The following GRID1 variants were observed in gnomAD, a reference collection of about 807,000 sequenced individuals.
The protein encoded by GRID1 is glutamate ionotropic receptor delta type subunit 1, also known as glutamate receptor ionotropic, delta-1.
GRID1 carries 28 observed loss-of-function variants against 98.0 expected under a neutral mutation model. The observed-to-expected ratio is 0.29, with a 90% confidence interval of 0.21 to 0.39. GRID1 has a LOEUF of 0.39. Among genes scored for constraint, GRID1 ranks in the 10% least tolerant of loss-of-function variants. The probability of loss-of-function intolerance (pLI) is 1.00; values close to 1 mark genes in which losing one functional copy is unlikely to be tolerated. For missense variants in GRID1, 1,111 were observed against 1,340.5 expected, an observed-to-expected ratio of 0.83 and a Z score of 2.67; for synonymous variants, 553 against 538.5, an observed-to-expected ratio of 1.03 and a Z score of -0.37.
At chr10:86,220,972 A>T (rs990040769) in intron 2 of GRID1, among the ~76,000 whole-genome samples, 2 of 152,156 alleles carry the variant, frequency 1.3e-5, no homozygotes, top group East Asian at 3.9e-4. Flanking sequence ...CAGCTTTCTC[A>T]GCTTGATCAA....
rs1415468336 is a variant in GRID1 at position 85,649,257 on chromosome 10, C to T, written c.1998-1860G>A. 2.6e-5 allele frequency among the ~76,000 whole-genome samples: 4 copies of T among 152,210 alleles called. No homozygotes were observed. The South Asian group carries it at 8.3e-4, about 32-fold the overall frequency. On this transcript the variant is annotated intron_variant, in intron 12 of 15. Transcript: ENST00000327946. ...TGGATGCCTCCCCTTGCTTCGGAGACACATGCCACAGCACTCCTTAGGTCC... is the reference window on the plus strand; with the variant it reads ...TGGATGCCTCCCCTTGCTTCGGAGATACATGCCACAGCACTCCTTAGGTCC...
chr10:85,851,222 C>T (rs982016620), intron 8 of GRID1, among the ~76,000 whole-genome samples: 2 of 152,154 alleles, frequency 1.3e-5, no homozygotes, highest in Non-Finnish European at 2.9e-5. Context: ...CCCCCCACCC[C>T]CAAGACAAAT....
chr10:86,050,528 T>A (rs1843486801), intron 4 of GRID1, among the ~76,000 whole-genome samples: 1 of 152,068 alleles, frequency 6.6e-6, no homozygotes, highest in Non-Finnish European at 1.5e-5. Context: ...TATTAAAAGG[T>A]CAGTAATTCT....
chr10:86,218,293 C>T (rs1402495952), intron 2 of GRID1, among the ~76,000 whole-genome samples: 2 of 152,158 alleles, frequency 1.3e-5, no homozygotes, highest in Non-Finnish European at 2.9e-5. Context: ...TGCTCCAAAG[C>T]TCCTGTCTGT....
intron 2 of GRID1, among the ~76,000 whole-genome samples, chr10:86,348,429 G>A (rs895191851): frequency 2.1e-4 from 32 of 152,346 alleles, no homozygotes; most frequent in African/African-American, 7.7e-4. Flanking sequence ...GGGGCTCTGC[G>A]GCACAGGGTG....
chr10:86,152,179 AAG>A (rs917579005), intron 3 of GRID1, among the ~76,000 whole-genome samples: 3 of 152,220 alleles, frequency 2.0e-5, no homozygotes, highest in Non-Finnish European at 4.4e-5. Flanking sequence ...CTGCATGGAC[AAG>A]AGAGGGAGTA....
intron 12 of GRID1, among the ~76,000 whole-genome samples, chr10:85,655,739 T>C (rs1840887727): frequency 6.6e-6 from 1 of 152,292 alleles, no homozygotes; most frequent in African/African-American, 2.4e-5. Flanking sequence ...GTGGAGAACT[T>C]TGCTTTTCTA....
rs115478614 is a variant in GRID1 at position 86,203,687 on chromosome 10, C to G, written c.520+2677G>C. On this transcript the variant is annotated intron_variant, in intron 3 of 15. Transcript: ENST00000327946. ...TCCAGCAAGCCGAGAGCCAGAAGGGCTAGCACCCTGGACAGCGCCATGAGC... is the reference window on the plus strand; with the variant it reads ...TCCAGCAAGCCGAGAGCCAGAAGGGGTAGCACCCTGGACAGCGCCATGAGC... Among the ~76,000 whole-genome samples, 1,407 of 151,846 alleles carry G rather than the reference C, an allele frequency of 9.3e-3. 29 individuals are homozygous for G. The highest frequency in any genetic ancestry group is 0.032 in the African/African-American group (1,329 of 41,484).
At chr10:85,879,041 T>C (rs2131801302) in intron 5 of GRID1, among the ~76,000 whole-genome samples, 1 of 151,510 alleles carries the variant, frequency 6.6e-6, no homozygotes, top group African/African-American at 2.4e-5. Flanking sequence ...TACATGATGG[T>C]AAAGGGATCA....
At chr10:86,246,852 AT>A (rs1369325543) in intron 2 of GRID1, among the ~76,000 whole-genome samples, 4 of 152,202 alleles carry the variant, frequency 2.6e-5, no homozygotes, top group African/African-American at 9.6e-5. Flanking sequence ...TCCCCACTCA[AT>A]TTCAGTAACA....
At chr10:85,962,748 G>T (rs1272880318) in intron 4 of GRID1, among the ~76,000 whole-genome samples, 1 of 152,102 alleles carries the variant, frequency 6.6e-6, no homozygotes, top group Non-Finnish European at 1.5e-5. Context: ...CTGGGTTTGG[G>T]GAGAAATTTA....
intron 4 of GRID1, among the ~76,000 whole-genome samples, chr10:86,087,202 C>G (rs7910620): frequency 0.065 from 9,813 of 152,076 alleles, 783 homozygotes; most frequent in African/African-American, 0.19. Context: ...ATGCTCACCT[C>G]TATATTAGAA....
intron 8 of GRID1, among the ~76,000 whole-genome samples, chr10:85,786,128 T>A (rs1564590389): frequency 6.6e-6 from 1 of 152,184 alleles, no homozygotes; most frequent in Non-Finnish European, 1.5e-5. Context: ...TTCATGATAT[T>A]CCCCCAAGTA....
chr10:85,711,016 A>T (rs1430995075), intron 12 of GRID1, among the ~76,000 whole-genome samples: 1 of 152,062 alleles, frequency 6.6e-6, no homozygotes, highest in Non-Finnish European at 1.5e-5. Context: ...TTTCTTGTGC[A>T]TTGCTGGTGG....
intron 3 of GRID1, among the ~76,000 whole-genome samples, chr10:86,146,462 C>A (rs576348925): frequency 1.3e-5 from 2 of 152,158 alleles, no homozygotes; most frequent in Non-Finnish European, 2.9e-5. Context: ...TTGTTGCAAG[C>A]GGAGCAGGTA....
intron 2 of GRID1, among the ~76,000 whole-genome samples, chr10:86,316,472 C>T (rs1346089384): frequency 6.6e-6 from 1 of 152,262 alleles, no homozygotes; most frequent in Non-Finnish European, 1.5e-5. Flanking sequence ...AAGCTCTGCA[C>T]ATGCCTGAAA....
intron 8 of GRID1, among the ~76,000 whole-genome samples, chr10:85,729,827 A>G (rs982998131): frequency 5.3e-5 from 8 of 152,252 alleles, no homozygotes; most frequent in Admixed American, 3.9e-4. Context: ...CTGGATCTCT[A>G]TAGAGCTCAG....
At chr10:85,723,376 C>T (rs1841725665) in intron 11 of GRID1, among the ~76,000 whole-genome samples, 1 of 152,166 alleles carries the variant, frequency 6.6e-6, no homozygotes, top group African/African-American at 2.4e-5. Context: ...TAGGACTGGG[C>T]TTCTAGTGGT....
chr10:85,931,961 C>G (rs576245429), intron 4 of GRID1, among the ~76,000 whole-genome samples: 71 of 152,294 alleles, frequency 4.7e-4, no homozygotes, highest in African/African-American at 1.6e-3. Context: ...CAGAAGAGAG[C>G]ACTCCAGCCG....
Sources: allele counts gnomAD v4.1 joint callset (sites outside exome capture counted in the v4.1 genomes callset), GRCh38; gene constraint gnomAD v4.1.1; transcripts MANE v1.5; gene names NCBI Gene and HGNC (gene_info 2026-07-23, HGNC 2026-07-21).